SETDB1: variants seen among roughly 807,000 people sequenced by gnomAD.
The protein encoded by SETDB1 is histone-lysine N-methyltransferase SETDB1.
SETDB1 carries 31 observed loss-of-function variants against 137.4 expected under a neutral mutation model. The ratio of observed to expected loss-of-function variants is 0.23; its 90% CI spans 0.17 to 0.30. SETDB1 has a LOEUF of 0.30. Ranked by LOEUF, SETDB1 falls within the 10% of genes least tolerant of loss-of-function variation. SETDB1 has a pLI of 1.00. For synonymous variants in SETDB1, 548 were observed against 579.9 expected, an observed-to-expected ratio of 0.95 and a Z score of 0.79; for missense variants, 1,113 against 1,631.5, an observed-to-expected ratio of 0.68 and a Z score of 5.47.
Position 150,963,109 on chromosome 1 carries a change from G to T in SETDB1, c.3430G>T (p.Asp1144Tyr). The T allele has an allele frequency of 6.2e-7, 1 of 1,614,102 alleles. No individual in the cohort carries two copies. The change falls in exon 19 of 22, where the codon GAT (aspartate) becomes TAT (tyrosine). Residue 1144 changes from aspartate (D) to tyrosine (Y), a missense_variant. Around this residue, in one of 11 missense-constraint regions of SETDB1, gnomAD observed 373 missense variants for 412.7 expected, o/e 0.90. Coordinates refer to ENST00000692827, the MANE Select transcript of SETDB1 (RefSeq NM_001366418.1). ...GACCATATCCTCTGGCTCTGAAGGG[G>T]ATGACTTTGAGGACAAGAAGAACAT... ...IQTISSGSEG[D>Y]DFEDKKNMTG...
intron 9 of SETDB1, among the ~76,000 whole-genome samples, chr1:150,946,054 C>A (rs587645057): frequency 2.3e-4 from 35 of 152,122 alleles, no homozygotes; most frequent in Middle Eastern, 6.8e-3. Context: ...CAGTCTCACT[C>A]TGCCACCCAG....
At chr1:150,929,929 A>G (rs1032145830) in intron 2 of SETDB1, 38 bp from the exon 3 acceptor site, 2 of 1,583,626 alleles carry the variant, frequency 1.3e-6, no homozygotes, top group South Asian at 1.1e-5. Flanking sequence ...TAATTCCTCT[A>G]CTGGCTTTGA....
Position 150,941,376 on chromosome 1 carries a change from G to T in SETDB1, c.495G>T (p.Gln165His). The change falls in exon 5 of 22, where the codon CAG becomes CAT. Residue 165 changes from glutamine (Q) to histidine (H), a missense_variant. Transcript: ENST00000692827. ...TAAGAAAGTCAGCTCAAGATGTTCA[G>T]AAGTTCATGGATGCTGTCAACAAGA... is the stretch of plus-strand genomic sequence containing the variant. ...AALRKSAQDV[Q>H]KFMDAVNKKS... The T allele has an allele frequency of 6.2e-7, 1 of 1,613,818 alleles. No individual in the cohort carries two copies. The highest frequency in any genetic ancestry group is 8.5e-7 in the Non-Finnish European group (1 of 1,179,734).
At chr1:150,932,541 C>T (rs1010848012) in intron 3 of SETDB1, among the ~76,000 whole-genome samples, 1 of 152,120 alleles carries the variant, frequency 6.6e-6, no homozygotes, top group African/African-American at 2.4e-5. Context: ...TATCCCTCAT[C>T]TAGTACATAT....
chr1:150,962,706 A>C lies in SETDB1; in HGVS notation c.3281A>C (p.Gln1094Pro). ...HQSRRLMASA[Q>P]SNPDDVLTLS... ...AGCCGAAGACTCATGGCTTCTGCTC[A>C]GTCCAACCCTGATGTAAGTCACCTC... Residue 1094 changes from glutamine to proline, a missense_variant, in exon 18 of 22, where the codon CAG becomes CCG. Transcript: ENST00000692827. 1 of 1,614,104 alleles carries C rather than the reference A, an allele frequency of 6.2e-7. No individual in the cohort carries two copies. Among genetic ancestry groups the C allele is most frequent in the Non-Finnish European group, 8.5e-7 (1 of 1,179,992 alleles).
At chr1:150,941,774 C>G (rs1056471136) in intron 5 of SETDB1, among the ~76,000 whole-genome samples, 1 of 151,978 alleles carries the variant, frequency 6.6e-6, no homozygotes, top group African/African-American at 2.4e-5. Flanking sequence ...AGGAGGATCA[C>G]TTGAGGCCCA....
intron 14 of SETDB1, among the ~76,000 whole-genome samples, chr1:150,952,148 TAA>T (rs587604868): frequency 1.4e-5 from 2 of 142,550 alleles, no homozygotes; most frequent in Non-Finnish European, 1.5e-5. Context: ...GACTCTGCCT[TAA>T]AAAAAAAAAA....
intron 3 of SETDB1, 140 bp downstream of exon 3, chr1:150,930,258 G>A: frequency 4.4e-6 from 3 of 686,044 alleles, no homozygotes; most frequent in African/African-American, 3.6e-5. Flanking sequence ...GGCTATTAAA[G>A]AAAAAAATGC....
intron 10 of SETDB1, among the ~76,000 whole-genome samples, chr1:150,948,730 T>C (rs1239153734): frequency 2.1e-5 from 3 of 145,768 alleles, no homozygotes; most frequent in Non-Finnish European, 3.0e-5. Context: ...CCATTGCTGC[T>C]TTTTTTTTTT....
intron 4 of SETDB1, among the ~76,000 whole-genome samples, chr1:150,940,676 T>A (rs917840329): frequency 1.3e-5 from 2 of 151,176 alleles, no homozygotes; most frequent in Non-Finnish European, 2.9e-5. Flanking sequence ...AAGAGCAGCC[T>A]AACCATGGAG....
At chr1:150,958,670 C>T (rs751141021) in intron 14 of SETDB1, among the ~76,000 whole-genome samples, 1 of 152,148 alleles carries the variant, frequency 6.6e-6, no homozygotes, top group African/African-American at 2.4e-5. Context: ...TTCCTCCTAT[C>T]TCTTTATTCC....
chr1:150,942,001 G>A (rs948647467), intron 5 of SETDB1, among the ~76,000 whole-genome samples: 6 of 151,704 alleles, frequency 4.0e-5, no homozygotes, highest in African/African-American at 9.7e-5. Context: ...TTAGCCAGGC[G>A]TGGTGGCGCA....
intron 4 of SETDB1, 99 bp from the exon 5 acceptor site, chr1:150,941,230 C>A: frequency 1.5e-6 from 1 of 664,230 alleles, no homozygotes; most frequent in Non-Finnish European, 2.7e-6. Flanking sequence ...TAACTCACTC[C>A]ATTTTGTTTT....
intron 16 of SETDB1, 149 bp from the exon 17 acceptor site, chr1:150,961,981 G>C (rs374392465): frequency 4.9e-5 from 42 of 858,874 alleles, no homozygotes; most frequent in East Asian, 3.4e-4. Context: ...GAGGATTTCT[G>C]TCAAGTTGCA....
chr1:150,963,267 G>T, intron 19 of SETDB1, 128 bp downstream of exon 19: 1 of 877,908 alleles, frequency 1.1e-6, no homozygotes, highest in Non-Finnish European at 1.8e-6. Flanking sequence ...ATCTCTGGGA[G>T]GGCTTTCTGA....
chr1:150,934,200 C>T (rs921854696), intron 3 of SETDB1, among the ~76,000 whole-genome samples: 3 of 152,092 alleles, frequency 2.0e-5, no homozygotes, highest in South Asian at 4.2e-4. Flanking sequence ...TGGCTGGGCG[C>T]GGTGGCTGAC....
At chr1:150,948,188 C>A (rs1186506450) in intron 10 of SETDB1, among the ~76,000 whole-genome samples, 1 of 151,578 alleles carries the variant, frequency 6.6e-6, no homozygotes, top group Non-Finnish European at 1.5e-5. Context: ...AAGGTCACAC[C>A]GCTGCACTTC....
Position 150,930,519 on chromosome 1 carries a change from C to CTTTTTTTTTTTTTTT in SETDB1, c.412+414_412+428dup, listed in dbSNP as rs61548246. ...CTTTTTGTTGATTCCTTAGGATTTT[C>CTTTTTTTTTTTTTTT]TTTTTTTTTTTTTTTTTTTTTTTTT... is the stretch of plus-strand genomic sequence containing the variant. On this transcript the variant is annotated intron_variant, in intron 3 of 21. Transcript: ENST00000692827. 1.2e-4 allele frequency: 8 copies of CTTTTTTTTTTTTTTT among 65,814 alleles called. 2 individuals are homozygous for CTTTTTTTTTTTTTTT. Among genetic ancestry groups the CTTTTTTTTTTTTTTT allele is most frequent in the Non-Finnish European group, 1.5e-4 (6 of 39,102 alleles). 4.1% of individuals were successfully genotyped at this position (65,814 alleles called of 1,614,324 possible).
intron 3 of SETDB1, among the ~76,000 whole-genome samples, chr1:150,935,030 A>G (rs750268995): frequency 3.3e-5 from 5 of 152,306 alleles, no homozygotes; most frequent in East Asian, 3.9e-4. Flanking sequence ...CATGTAGTTC[A>G]GGCTGGTCTC....
Sources: allele counts gnomAD v4.1 joint callset (sites outside exome capture counted in the v4.1 genomes callset), GRCh38; gene constraint gnomAD v4.1.1; regional missense constraint gnomAD v4.1.1; transcripts MANE v1.5; gene names NCBI Gene and HGNC (gene_info 2026-07-23, HGNC 2026-07-21).